The following ZNF714 variants were observed in gnomAD, a reference collection of about 807,000 sequenced individuals.
The protein encoded by ZNF714 is zinc finger protein 714.
Under a neutral mutation model 46.2 loss-of-function variants are expected in ZNF714, and 32 were observed. The observed-to-expected ratio is 0.69, with a 90% CI of 0.52 to 0.93. The LOEUF (loss-of-function observed/expected upper bound fraction) is 0.93, where lower values mean the gene tolerates loss of function less well. ZNF714 is among the 40% of genes least tolerant of loss of function. The pLI, the probability that ZNF714 is intolerant of heterozygous loss-of-function variation, is 0.00. For missense variants in ZNF714, 635 were observed against 646.3 expected (o/e 0.98, Z 0.19); for synonymous variants, 199 against 213.1 (o/e 0.93, Z 0.58).
At chr19:21,104,110 GT>G (rs1193467774) in intron 4 of ZNF714, among the ~76,000 whole-genome samples, 2 of 151,996 alleles carry the variant, frequency 1.3e-5, no homozygotes, top group East Asian at 3.9e-4. Flanking sequence ...GAATCATACA[GT>G]TTTTATCATT....
chr19:21,090,240 A>G (rs1968878593), intron 2 of ZNF714, among the ~76,000 whole-genome samples: 1 of 152,226 alleles, frequency 6.6e-6, no homozygotes, highest in Admixed American at 6.5e-5. Flanking sequence ...TGCCTGTGGC[A>G]GGTTGGGGAA....
At chr19:21,100,016 C>T (rs1053075537) in intron 4 of ZNF714, among the ~76,000 whole-genome samples, 5 of 151,920 alleles carry the variant, frequency 3.3e-5, no homozygotes, top group African/African-American at 7.3e-5. Flanking sequence ...CCACCATGCC[C>T]GGCTAATTTT....
Position 21,124,621 on chromosome 19 carries a change from C to T in ZNF714, c.*6289C>T, listed in dbSNP as rs1230976229. Among the ~76,000 whole-genome samples, 2 of 152,112 alleles carry T rather than the reference C, an allele frequency of 1.3e-5. No homozygotes were observed. Among genetic ancestry groups the T allele is most frequent in the African/African-American group, 4.8e-5 (2 of 41,430 alleles). On this transcript the variant is annotated 3_prime_UTR_variant, in exon 5 of 5. Coordinates refer to ENST00000456283, the MANE Select transcript of ZNF714 (RefSeq NM_182515.4). ...AGTTAACATTTTTGTGGTGAGACCA[C>T]GTCTTATCATTTTTCAAAAATCCAA...
intron 1 of ZNF714, 34 bp downstream of exon 1, chr19:21,082,382 G>C (rs774892649): frequency 1.4e-6 from 2 of 1,456,378 alleles, no homozygotes; most frequent in Non-Finnish European, 1.9e-6. Context: ...CCGAGAGAGG[G>C]GAAGGGGCGG....
At chr19:21,111,698 T>A (rs556520931) in intron 4 of ZNF714, among the ~76,000 whole-genome samples, 5 of 152,340 alleles carry the variant, frequency 3.3e-5, no homozygotes, top group South Asian at 2.1e-4. Flanking sequence ...GCCCTTTTAG[T>A]ATGATATTGG....
At chr19:21,107,141 A>G (rs1298181993) in intron 4 of ZNF714, among the ~76,000 whole-genome samples, 2 of 152,032 alleles carry the variant, frequency 1.3e-5, no homozygotes, top group Non-Finnish European at 2.9e-5. Flanking sequence ...AGCTTTTAAT[A>G]TGTTTTAAAA....
intron 4 of ZNF714, among the ~76,000 whole-genome samples, chr19:21,112,816 ATTTTTTT>A (rs74172391): frequency 1.2e-4 from 5 of 43,216 alleles, no homozygotes; most frequent in East Asian, 9.5e-4. Flanking sequence ...TTTATTTCTG[ATTTTTTT>A]TTTTTTTTTT....
intron 2 of ZNF714, among the ~76,000 whole-genome samples, chr19:21,090,037 A>G (rs1024467953): frequency 6.6e-6 from 1 of 152,254 alleles, no homozygotes; most frequent in Non-Finnish European, 1.5e-5. Flanking sequence ...CCATAGCAAA[A>G]TATGTGTGAC....
chr19:21,083,765 G>T (rs1599524025), intron 1 of ZNF714, among the ~76,000 whole-genome samples: 1 of 151,986 alleles, frequency 6.6e-6, no homozygotes, highest in African/African-American at 2.4e-5. Flanking sequence ...TCTTCTCCTT[G>T]TATCTTCTCT....
At chr19:21,091,643 A>G (rs1159161339) in intron 2 of ZNF714, 1 of 151,076 alleles carries the variant, frequency 6.6e-6, no homozygotes, top group South Asian at 2.1e-4. Flanking sequence ...AATCACAGCT[A>G]TTTACCCAGA....
intron 2 of ZNF714, chr19:21,091,502 T>C (rs371677123): frequency 6.6e-6 from 1 of 152,192 alleles, no homozygotes; most frequent in Admixed American, 6.6e-5. Flanking sequence ...TCTGGTTCAA[T>C]ACGCCTCTGA....
At chr19:21,100,056 T>G (rs1969138437) in intron 4 of ZNF714, among the ~76,000 whole-genome samples, 1 of 151,948 alleles carries the variant, frequency 6.6e-6, no homozygotes, top group Admixed American at 6.6e-5. Flanking sequence ...GGGTTTCACC[T>G]TGTTGTCCAG....
intron 2 of ZNF714, 125 bp from the exon 3 acceptor site, chr19:21,098,060 A>C (rs1322325955): frequency 2.9e-6 from 4 of 1,364,326 alleles, no homozygotes; most frequent in Non-Finnish European, 3.9e-6. Context: ...TTATTGGATA[A>C]TTTCAGTTAT....
intron 2 of ZNF714, among the ~76,000 whole-genome samples, chr19:21,093,157 G>A (rs1397628729): frequency 2.0e-5 from 3 of 151,970 alleles, no homozygotes; most frequent in African/African-American, 7.2e-5. Context: ...ACCTGCCTCG[G>A]CCTCCCAAAG....
At chr19:21,084,176 G>T in intron 2 of ZNF714, 107 bp downstream of exon 2, 1 of 329,988 alleles carries the variant, frequency 3.0e-6, no homozygotes, top group Non-Finnish European at 4.3e-6. Context: ...AGAAAAAATA[G>T]TGTTAAAAAG....
At chr19:21,098,761 T>C in intron 3 of ZNF714, 51 bp from the exon 4 acceptor site, 2 of 1,299,984 alleles carry the variant, frequency 1.5e-6, no homozygotes, top group Non-Finnish European at 2.2e-6. Flanking sequence ...CAGTACTAGG[T>C]TGGTAACTAG....
At position 21,122,612 on chromosome 19, in the gene ZNF714, AAAAT is replaced by A. The variant is rs1261002827; in HGVS notation, c.*4285_*4288del. The A allele has an allele frequency of 6.6e-6, 1 of 152,126 alleles. No homozygotes were observed. The highest frequency in any genetic ancestry group is 1.5e-5 in the Non-Finnish European group (1 of 68,024). The allele number at this position is 152,126 out of a possible 1,614,324, so 9.4% of individuals were successfully genotyped here. A position where few individuals can be genotyped will look rare whatever the true frequency, so the allele number is the denominator to read the frequency against. On this transcript the variant is annotated 3_prime_UTR_variant, in exon 5 of 5. Coordinates refer to ENST00000456283, the MANE Select transcript of ZNF714 (RefSeq NM_182515.4). ...TGACAGAATGAGACTCATAAAAAAAAAAATAAATTCTGCTTCTTTTATTTTCTAC... is the reference window on the plus strand; with the variant it reads ...TGACAGAATGAGACTCATAAAAAAAAAAATTCTGCTTCTTTTATTTTCTAC...
In ZNF714 at chr19:21,092,999, T is replaced by C. The variant is rs190408553; in HGVS notation, c.-84-5186T>C. Among the ~76,000 whole-genome samples, 528 of 135,928 alleles carry C rather than the reference T, an allele frequency of 3.9e-3. 4 individuals carry two copies. The highest frequency in any genetic ancestry group is 0.012 in the Middle Eastern group (3 of 246). 89.2% of individuals were successfully genotyped at this position (135,928 alleles called of 152,430 possible). On this transcript the variant is annotated intron_variant, in intron 2 of 4. Coordinates refer to ENST00000456283, the MANE Select transcript of ZNF714 (RefSeq NM_182515.4). The stretch of plus-strand genomic sequence containing the variant: ...ATCTCGGCTCACTGCAAGCTCCGCC[T>C]CCCGGGTTCATGCCATTCTCCTGCC...
chr19:21,092,929 A>G (rs373287882), intron 2 of ZNF714, among the ~76,000 whole-genome samples: 2 of 11,124 alleles, frequency 1.8e-4, no homozygotes, highest in Non-Finnish European at 1.1e-3. Context: ...TTTTTTTTTG[A>G]GACAGAGTCT....
Sources: allele counts gnomAD v4.1 joint callset (sites outside exome capture counted in the v4.1 genomes callset), GRCh38; gene constraint gnomAD v4.1.1; transcripts MANE v1.5; gene names NCBI Gene and HGNC (gene_info 2026-07-23, HGNC 2026-07-21).